Variants in HECW2 observed in about 807,000 individuals in gnomAD.
HECW2 encodes HECT, C2 and WW domain containing E3 ubiquitin protein ligase 2.
In HECW2, 61 loss-of-function variants were observed where a neutral mutation model predicts 175.2. The observed-to-expected ratio is 0.35, with a 90% CI of 0.28 to 0.43. The LOEUF (loss-of-function observed/expected upper bound fraction) is 0.43. HECW2 is among the 20% of genes least tolerant of loss of function. The probability of loss-of-function intolerance (pLI) is 1.00; values close to 1 mark genes in which losing one functional copy is unlikely to be tolerated. For missense variants in HECW2, 1,524 were observed against 2,000.5 expected (o/e 0.76, Z 4.54); for synonymous variants, 671 against 731.0 (o/e 0.92, Z 1.32).
chr2:196,532,969 A>G (rs941627225), intron 1 of HECW2, among the ~76,000 whole-genome samples: 1 of 152,222 alleles, frequency 6.6e-6, no homozygotes, highest in Non-Finnish European at 1.5e-5. Flanking sequence ...AGGAAGTTGA[A>G]GAAAGTCAGA....
intron 1 of HECW2, among the ~76,000 whole-genome samples, chr2:196,480,408 C>G (rs1186772812): frequency 6.6e-6 from 1 of 152,202 alleles, no homozygotes; most frequent in African/African-American, 2.4e-5. Flanking sequence ...CCCTTTCCCC[C>G]CAACTCTCAG....
At position 196,198,754 on chromosome 2, in the gene HECW2, T is replaced by C. The variant is rs933757388; in HGVS notation, c.*2523A>G. ...AATTGTAGAGTACATGAAAGTCTAATTTATTCTGTGGAAATGTTATTTAAT... is the reference window on the plus strand; with the variant it reads ...AATTGTAGAGTACATGAAAGTCTAACTTATTCTGTGGAAATGTTATTTAAT... On this transcript the variant is annotated 3_prime_UTR_variant, in exon 29 of 29. Coordinates refer to ENST00000644978, the MANE Select transcript of HECW2 (RefSeq NM_001348768.2). The C allele has an allele frequency of 3.3e-5, 5 of 152,254 alleles. No individual in the cohort carries two copies. The highest frequency in any genetic ancestry group is 5.9e-5 in the Non-Finnish European group (4 of 68,036). The allele number at this position is 152,254 out of a possible 1,614,324, so 9.4% of individuals were successfully genotyped here.
At chr2:196,271,558 G>A (rs1431069365) in intron 16 of HECW2, among the ~76,000 whole-genome samples, 1 of 152,082 alleles carries the variant, frequency 6.6e-6, no homozygotes, top group Non-Finnish European at 1.5e-5. Flanking sequence ...AAAGTGCTAG[G>A]ATTACAGGTG....
At chr2:196,324,816 C>A (rs1416588796) in intron 6 of HECW2, among the ~76,000 whole-genome samples, 164 bp downstream of exon 6, 2 of 152,124 alleles carry the variant, frequency 1.3e-5, no homozygotes, top group Non-Finnish European at 2.9e-5. Flanking sequence ...TACCCTAGAC[C>A]TGGCTCTGGA....
chr2:196,588,671 C>T (rs76864783), intron 1 of HECW2, among the ~76,000 whole-genome samples: 2,143 of 152,274 alleles, frequency 0.014, 48 homozygotes, highest in African/African-American at 0.049. Context: ...CACACACACA[C>T]ACATATACGT....
At chr2:196,355,659 C>A (rs1464638217) in intron 2 of HECW2, among the ~76,000 whole-genome samples, 1 of 152,128 alleles carries the variant, frequency 6.6e-6, no homozygotes, top group African/African-American at 2.4e-5. Context: ...TACAAAAATT[C>A]ATTCAACAAA....
intron 1 of HECW2, among the ~76,000 whole-genome samples, chr2:196,548,712 G>A (rs374940646): frequency 3.9e-5 from 6 of 152,292 alleles, no homozygotes; most frequent in African/African-American, 1.2e-4. Context: ...CAACAGAAAC[G>A]TATTTTCCCA....
At chr2:196,466,437 C>T (rs1696957695) in intron 1 of HECW2, among the ~76,000 whole-genome samples, 2 of 152,194 alleles carry the variant, frequency 1.3e-5, no homozygotes, top group Admixed American at 6.5e-5. Flanking sequence ...GCAAGGGTTA[C>T]CTTTTACATT....
intron 2 of HECW2, among the ~76,000 whole-genome samples, chr2:196,397,134 CAAAAAA>C (rs10534508): frequency 0.92 from 139,203 of 151,446 alleles, 64,219 homozygotes; most frequent in East Asian, 0.96. Context: ...CAAAACAAAA[CAAAAAA>C]AAAAAAAACA....
chr2:196,433,373 G>A lies in HECW2; in HGVS notation c.51C>T (p.Pro17=), dbSNP rs2125272542. 6.2e-7 allele frequency: 1 copy of A among 1,614,090 alleles called. No homozygotes were observed. The highest frequency in any genetic ancestry group is 8.5e-7 in the Non-Finnish European group (1 of 1,180,000). ...EHLLFVRRRN[P]QMRYTLSPEN... is the part of the protein sequence containing the mutation. ...CTGGGCTCAATGTGTACCGCATCTGGGGATTTCGACGCCTCACAAAAAGCA... is the reference window on the plus strand; with the variant it reads ...CTGGGCTCAATGTGTACCGCATCTGAGGATTTCGACGCCTCACAAAAAGCA... The change falls in exon 2 of 29, where the codon CCC becomes CCT. Residue 17 remains proline, a synonymous_variant. Transcript: ENST00000644978.
chr2:196,359,330 C>A (rs1049527910), intron 2 of HECW2, among the ~76,000 whole-genome samples: 1 of 152,156 alleles, frequency 6.6e-6, no homozygotes, highest in East Asian at 1.9e-4. Context: ...CATCTGTAGT[C>A]CCAGCTACTC....
chr2:196,393,395 C>T (rs1694569324), intron 2 of HECW2, among the ~76,000 whole-genome samples: 1 of 152,172 alleles, frequency 6.6e-6, no homozygotes, highest in South Asian at 2.1e-4. Context: ...TTTTTACAAT[C>T]CACCCATATG....
At chr2:196,353,074 T>C (rs964753244) in intron 2 of HECW2, among the ~76,000 whole-genome samples, 33 of 152,280 alleles carry the variant, frequency 2.2e-4, no homozygotes, top group African/African-American at 7.2e-4. Flanking sequence ...ATTACAGCTC[T>C]GACCTCACCC....
intron 1 of HECW2, among the ~76,000 whole-genome samples, chr2:196,531,650 A>G (rs1157717534): frequency 1.4e-5 from 2 of 147,690 alleles, no homozygotes; most frequent in African/African-American, 5.2e-5. Context: ...CAACAGTGTG[A>G]GACTCTGTCT....
chr2:196,238,230 A>AAAAAC (rs1051089252), intron 21 of HECW2, among the ~76,000 whole-genome samples: 7 of 152,178 alleles, frequency 4.6e-5, no homozygotes, highest in Non-Finnish European at 4.4e-5. Context: ...CTCTGTCTCA[A>AAAAAC]AAAACAAAAC....
intron 23 of HECW2, among the ~76,000 whole-genome samples, chr2:196,225,152 G>T (rs1687803964): frequency 6.6e-6 from 1 of 152,172 alleles, no homozygotes; most frequent in Non-Finnish European, 1.5e-5. Flanking sequence ...GAAACAATTA[G>T]CCCTACATTT....
chr2:196,404,439 A>C (rs2125213538), intron 2 of HECW2, among the ~76,000 whole-genome samples: 1 of 152,320 alleles, frequency 6.6e-6, no homozygotes, highest in East Asian at 1.9e-4. Flanking sequence ...TGTCCTGACC[A>C]GCCAGGAAGG....
At chr2:196,576,075 T>C (rs918491221) in intron 1 of HECW2, among the ~76,000 whole-genome samples, 1 of 149,122 alleles carries the variant, frequency 6.7e-6, no homozygotes, top group Admixed American at 6.7e-5. Flanking sequence ...TATAACACCA[T>C]ATTTTTACTA....
intron 1 of HECW2, among the ~76,000 whole-genome samples, chr2:196,498,766 T>A (rs1281647957): frequency 6.6e-6 from 1 of 152,208 alleles, no homozygotes; most frequent in African/African-American, 2.4e-5. Context: ...TTGCCTTTTT[T>A]GTAACTGCTT....
Sources: allele counts gnomAD v4.1 joint callset (sites outside exome capture counted in the v4.1 genomes callset), GRCh38; gene constraint gnomAD v4.1.1; transcripts MANE v1.5; gene names NCBI Gene and HGNC (gene_info 2026-07-23, HGNC 2026-07-21).